Variants in SULT2B1 observed in about 807,000 individuals in gnomAD.
The protein encoded by SULT2B1 is sulfotransferase family 2B member 1, also known as sulfotransferase 2B1.
A neutral mutation model predicts 33.2 loss-of-function variants in SULT2B1; 16 were observed. That is an observed-to-expected ratio of 0.48 (90% CI 0.33 to 0.73). SULT2B1 has a LOEUF of 0.73. Among genes scored for constraint, SULT2B1 ranks in the 30% least tolerant of loss-of-function variants. The pLI, the probability that SULT2B1 is intolerant of heterozygous loss-of-function variation, is 0.02. For synonymous variants in SULT2B1, 186 were observed against 200.5 expected (o/e 0.93, Z 0.61); for missense variants, 500 against 506.0 (o/e 0.99, Z 0.11).
intron 2 of SULT2B1, among the ~76,000 whole-genome samples, chr19:48,585,767 C>T (rs1458675479): frequency 1.3e-5 from 2 of 152,080 alleles, no homozygotes; most frequent in African/African-American, 4.8e-5. Context: ...CAACATGGCA[C>T]ATGTATACAT....
chr19:48,596,461 A>T, intron 5 of SULT2B1: 1 of 204,344 alleles, frequency 4.9e-6, no homozygotes, highest in Non-Finnish European at 8.9e-6. Context: ...CCCGGCTGTG[A>T]CCTCTGCCCC....
At position 48,599,138 on chromosome 19, in the gene SULT2B1, T is replaced by G. The variant is rs760760185; in HGVS notation, c.830T>G (p.Val277Gly). The change falls in exon 7 of 7, where the codon GTC becomes GGC. Residue 277 changes from valine to glycine, a missense_variant. Transcript: ENST00000201586. The surrounding 1 kb of genome is among the most constrained non-coding windows in gnomAD (Gnocchi z 4.1). The part of the protein sequence containing the change: ...HRRGAFLRKG[V>G]CGDWKNHFTV... ...CCTGGTGCCCCCTCTTCTCCAGGGG[T>G]CTGCGGCGACTGGAAGAACCACTTC... is the stretch of plus-strand genomic sequence containing the variant. The G allele has an allele frequency of 6.3e-7, 1 of 1,575,550 alleles. No homozygotes were observed. Among genetic ancestry groups the G allele is most frequent in the Non-Finnish European group, 8.6e-7 (1 of 1,165,028 alleles).
At chr19:48,570,847 C>A (rs6509393) in intron 1 of SULT2B1, among the ~76,000 whole-genome samples, 2 of 150,664 alleles carry the variant, frequency 1.3e-5, no homozygotes, top group Non-Finnish European at 3.0e-5. Flanking sequence ...CTGAGCCTCC[C>A]GAGTAGCTGG....
intron 1 of SULT2B1, among the ~76,000 whole-genome samples, chr19:48,554,315 G>A (rs1195070660): frequency 1.0e-5 from 1 of 97,364 alleles, no homozygotes; most frequent in African/African-American, 4.2e-5. Context: ...CCCCAGATTC[G>A]CACCTCCTCC....
In SULT2B1 at chr19:48,598,417, C is replaced by T. The variant is rs149235540; in HGVS notation, c.827-718C>T. Among the ~76,000 whole-genome samples, 1,365 of 152,206 alleles carry T rather than the reference C, an allele frequency of 9.0e-3. 4 individuals carry two copies. Among genetic ancestry groups the T allele is most frequent in the Middle Eastern group, 0.014 (4 of 294 alleles). Reference sequence around the variant, plus strand: ...GACCAGCCTGGCCAACATGGTTAAACGCCATCTCTACTAAAAATATAAAAA... The same window carrying T: ...GACCAGCCTGGCCAACATGGTTAAATGCCATCTCTACTAAAAATATAAAAA... On this transcript the variant is annotated intron_variant, in intron 6 of 6. Coordinates refer to ENST00000201586, the MANE Select transcript of SULT2B1 (RefSeq NM_177973.2).
intron 1 of SULT2B1, among the ~76,000 whole-genome samples, chr19:48,553,850 A>C (rs1190700563): frequency 6.6e-6 from 1 of 152,164 alleles, no homozygotes; most frequent in Non-Finnish European, 1.5e-5. Context: ...AACATTGTCT[A>C]ATCCAGGACT....
chr19:48,591,895 G>A (rs1164885323), intron 4 of SULT2B1, among the ~76,000 whole-genome samples, 160 bp downstream of exon 4: 3 of 152,088 alleles, frequency 2.0e-5, no homozygotes, highest in Admixed American at 6.6e-5. Flanking sequence ...GAGAAGAGAC[G>A]GAGGGAGAGA....
rs1455699297 is a variant in SULT2B1 at position 48,581,623 on chromosome 19, A to G, written c.214+5540A>G. Among the ~76,000 whole-genome samples the G allele has an allele frequency of 3.3e-5, 5 of 150,636 alleles. No individual in the cohort carries two copies. In the East Asian group the frequency reaches 9.9e-4, roughly 30 times the overall value. ...CAGGCGCCCACCACCACGCCCGGCT[A>G]ATTTTTTGTATTTTTAGTAGAGACG... is the stretch of plus-strand genomic sequence containing the variant. On this transcript the variant is annotated intron_variant, in intron 2 of 6. Coordinates refer to ENST00000201586, the MANE Select transcript of SULT2B1 (RefSeq NM_177973.2).
intron 1 of SULT2B1, among the ~76,000 whole-genome samples, chr19:48,567,436 C>T (rs952966979): frequency 1.3e-5 from 2 of 152,114 alleles, no homozygotes; most frequent in Non-Finnish European, 2.9e-5. Context: ...GTGGTGCACG[C>T]CTGTAATCTC....
chr19:48,574,727 G>C (rs1229645634), intron 1 of SULT2B1, among the ~76,000 whole-genome samples: 1 of 152,172 alleles, frequency 6.6e-6, no homozygotes, highest in Admixed American at 6.6e-5. Flanking sequence ...AGTGAAGTCC[G>C]CTGCCCAAGG....
At chr19:48,564,983 G>A (rs1334641777) in intron 1 of SULT2B1, among the ~76,000 whole-genome samples, 2 of 152,162 alleles carry the variant, frequency 1.3e-5, no homozygotes, top group Non-Finnish European at 2.9e-5. Flanking sequence ...TACAGATTGT[G>A]TTTCACTATA....
intron 2 of SULT2B1, among the ~76,000 whole-genome samples, chr19:48,579,208 G>T (rs1278115644): frequency 1.3e-5 from 2 of 151,474 alleles, no homozygotes; most frequent in Non-Finnish European, 2.9e-5. Context: ...TTATTCATCA[G>T]TTGATAAGCA....
intron 2 of SULT2B1, among the ~76,000 whole-genome samples, chr19:48,582,777 A>T (rs1194883404): frequency 6.6e-6 from 1 of 152,010 alleles, no homozygotes; most frequent in Admixed American, 6.6e-5. Flanking sequence ...GGGGAGGCAG[A>T]GGTTGTAGTG....
intron 2 of SULT2B1, among the ~76,000 whole-genome samples, chr19:48,576,826 G>A (rs1285098746): frequency 2.7e-5 from 4 of 146,614 alleles, no homozygotes; most frequent in African/African-American, 7.6e-5. Flanking sequence ...TTTTTTGTAG[G>A]GACAGGGTTT....
chr19:48,581,029 CTTT>C (rs57093444), intron 2 of SULT2B1, among the ~76,000 whole-genome samples: 191 of 65,084 alleles, frequency 2.9e-3, no homozygotes, highest in African/African-American at 0.011. Context: ...ATATATATTC[CTTT>C]TTTTTTTTTT....
intron 6 of SULT2B1, among the ~76,000 whole-genome samples, chr19:48,598,570 C>T (rs139483901): frequency 0.045 from 6,879 of 151,882 alleles, 208 homozygotes; most frequent in Non-Finnish European, 0.069. Flanking sequence ...GGCGACAGAG[C>T]GAGACTCCAT....
chr19:48,582,579 G>T (rs1401280057), intron 2 of SULT2B1, among the ~76,000 whole-genome samples: 1 of 152,144 alleles, frequency 6.6e-6, no homozygotes, highest in African/African-American at 2.4e-5. Flanking sequence ...CCGGGGGTGT[G>T]GTTAACACCT....
rs1436806447 is a variant in SULT2B1 at position 48,552,453 on chromosome 19, G to A, written c.71+130G>A. On this transcript the variant is annotated intron_variant, in intron 1 of 6. Transcript: ENST00000201586. This position sits in a 1 kb window ranked among gnomAD's most constrained non-coding sequence, Gnocchi z 4.8. ...CAGGCCTGGCCCAGACTTAGCTGGA[G>A]GGGCTGGGCTGGGCTGGGGCATCCA... 3 of 975,562 alleles carry A rather than the reference G, an allele frequency of 3.1e-6. No homozygotes were observed. In the African/African-American group the frequency reaches 5.0e-5, roughly 16 times the overall value. The allele number at this position is 975,562 out of a possible 1,614,324, so 60.4% of individuals were successfully genotyped here. A position where few individuals can be genotyped will look rare whatever the true frequency, so the allele number is the denominator to read the frequency against.
At chr19:48,585,501 C>T (rs923160061) in intron 2 of SULT2B1, among the ~76,000 whole-genome samples, 41 of 152,108 alleles carry the variant, frequency 2.7e-4, no homozygotes, top group African/African-American at 9.6e-4. Context: ...AATCCCATCT[C>T]TACTAAAAAT....
Sources: allele counts gnomAD v4.1 joint callset (sites outside exome capture counted in the v4.1 genomes callset), GRCh38; gene constraint gnomAD v4.1.1; non-coding constraint Gnocchi (gnomAD v3.1); transcripts MANE v1.5; gene names NCBI Gene and HGNC (gene_info 2026-07-23, HGNC 2026-07-21).